Variants in C6orf89 observed in about 807,000 individuals in gnomAD.
The protein encoded by C6orf89 is bombesin receptor-activated protein C6orf89.
Under a neutral mutation model 40.7 loss-of-function variants are expected in C6orf89, and 29 were observed. That is an observed-to-expected ratio of 0.71 (90% confidence interval 0.53 to 0.97). C6orf89 has a LOEUF of 0.97. Ranked by LOEUF, C6orf89 falls within the 50% of genes least tolerant of loss-of-function variation. The probability of loss-of-function intolerance (pLI) is 0.00; values close to 1 mark genes in which losing one functional copy is unlikely to be tolerated. For missense variants in C6orf89, 392 were observed against 429.1 expected (o/e 0.91, Z 0.76); for synonymous variants, 165 against 152.2 (o/e 1.08, Z -0.62).
Position 36,923,739 on chromosome 6 carries a change from C to T in C6orf89, c.*298C>T. On this transcript the variant is annotated 3_prime_UTR_variant, in exon 9 of 9. Transcript: ENST00000480824. Reference sequence around the variant, plus strand: ...TGGACACTATGACCTTGATGCTGCCCTTCAGGCAGGAAACAGGGCTGGTGC... The same window carrying T: ...TGGACACTATGACCTTGATGCTGCCTTTCAGGCAGGAAACAGGGCTGGTGC... 2.6e-6 allele frequency: 1 copy of T among 389,024 alleles called. No homozygotes were observed. Among genetic ancestry groups the T allele is most frequent in the Non-Finnish European group, 4.9e-6 (1 of 202,644 alleles). The allele number at this position is 389,024 out of a possible 1,614,324, so 24.1% of individuals were successfully genotyped here.
Position 36,923,640 on chromosome 6 carries a change from C to A in C6orf89, c.*199C>A. On this transcript the variant is annotated 3_prime_UTR_variant, in exon 9 of 9. Transcript: ENST00000480824. ...CTCCTGACTCTTCCTGCAGGTGGCT[C>A]AGGAAGGATTCAGCCTGGCCACTTG... The A allele has an allele frequency of 1.6e-6, 1 of 617,062 alleles. No individual in the cohort carries two copies. The highest frequency in any genetic ancestry group is 3.1e-6 in the Non-Finnish European group (1 of 327,296). The allele number at this position is 617,062 out of a possible 1,614,324, so 38.2% of individuals were successfully genotyped here. A position where few individuals can be genotyped will look rare whatever the true frequency, so the allele number is the denominator to read the frequency against.
chr6:36,886,142 TCCCAGCGC>T, intron 1 of C6orf89, 114 bp downstream of exon 1: 1 of 956,978 alleles, frequency 1.0e-6, no homozygotes, highest in Non-Finnish European at 1.4e-6. Context: ...CCACCCTCTA[TCCCAGCGC>T]GGATCCCTTT....
At chr6:36,898,353 C>T (rs1194040732) in intron 2 of C6orf89, among the ~76,000 whole-genome samples, 3 of 150,510 alleles carry the variant, frequency 2.0e-5, no homozygotes, top group African/African-American at 4.9e-5. Flanking sequence ...GATCTCGGCT[C>T]ACCACAACCT....
chr6:36,909,212 G>A (rs1748147751), intron 4 of C6orf89, among the ~76,000 whole-genome samples: 1 of 138,426 alleles, frequency 7.2e-6, no homozygotes, highest in African/African-American at 2.7e-5. Flanking sequence ...ACAAAAATAT[G>A]TACCTGAGAG....
At chr6:36,884,796 C>T (rs1774918547), upstream of C6orf89, among the ~76,000 whole-genome samples, 1 of 152,170 alleles carries the variant, frequency 6.6e-6, no homozygotes, top group African/African-American at 2.4e-5. This position sits in a 1 kb window ranked among gnomAD's most constrained non-coding sequence, Gnocchi z 4.0. Context: ...TGGAGTCACT[C>T]ATGCTAAATG....
At chr6:36,883,654 T>A (rs532502588), upstream of C6orf89, among the ~76,000 whole-genome samples, 68 of 152,318 alleles carry the variant, frequency 4.5e-4, no homozygotes, top group South Asian at 1.0e-3. Context: ...ATACATTGCC[T>A]CATAATCAGT....
Position 36,877,057 on chromosome 6 carries a change from T to C in C6orf89, c.-627-1951T>C, listed in dbSNP as rs139415221. 3.9e-3 allele frequency among the ~76,000 whole-genome samples: 590 copies of C among 152,332 alleles called. 2 individuals are homozygous for C. Among genetic ancestry groups the C allele is most frequent in the African/African-American group, 0.013 (553 of 41,576 alleles). On this transcript the variant is annotated intron_variant, in intron 1 of 9. Coordinates refer to the C6orf89 transcript ENST00000359359. The stretch of plus-strand genomic sequence containing the variant: ...TAAATGGAGTTATAAAGTACGTATT[T>C]TTTTGTGCCTGGCTTCCTTTCCTTA...
At chr6:36,918,911 A>G (rs1450084103) in intron 7 of C6orf89, among the ~76,000 whole-genome samples, 1 of 152,108 alleles carries the variant, frequency 6.6e-6, no homozygotes, top group Non-Finnish European at 1.5e-5. Flanking sequence ...GCATATGCTG[A>G]TTGTCTCCTT....
At chr6:36,902,168 G>A (rs1001552517) in intron 3 of C6orf89, 53 bp from the exon 4 acceptor site, 4 of 1,472,758 alleles carry the variant, frequency 2.7e-6, no homozygotes, top group East Asian at 2.3e-5. Context: ...TTTTTTCTTG[G>A]TATTAAGGTA....
At chr6:36,896,522 C>T (rs1419279736) in intron 2 of C6orf89, among the ~76,000 whole-genome samples, 1 of 151,948 alleles carries the variant, frequency 6.6e-6, no homozygotes, top group East Asian at 1.9e-4. Context: ...TATAGACCAC[C>T]CCCTTATCAG....
At chr6:36,880,178 G>A (rs1335227362) in intron 2 of C6orf89, among the ~76,000 whole-genome samples, 2 of 152,164 alleles carry the variant, frequency 1.3e-5, no homozygotes, top group Non-Finnish European at 2.9e-5. Flanking sequence ...GGTAAAATCA[G>A]TAATAAGAAA....
At chr6:36,906,381 A>G (rs1008391170) in intron 4 of C6orf89, among the ~76,000 whole-genome samples, 44 of 152,232 alleles carry the variant, frequency 2.9e-4, no homozygotes, top group African/African-American at 9.2e-4. Context: ...TTTATTTCTC[A>G]GTCTTCACAG....
chr6:36,912,289 T>C (rs1031340749), intron 4 of C6orf89, among the ~76,000 whole-genome samples: 1 of 152,182 alleles, frequency 6.6e-6, no homozygotes, highest in Admixed American at 6.5e-5. Flanking sequence ...AGAATAGTGA[T>C]TCCTCCTCAG....
chr6:36,881,009 G>A (rs150499251), upstream of C6orf89, among the ~76,000 whole-genome samples: 1,302 of 152,282 alleles, frequency 8.5e-3, 13 homozygotes, highest in Non-Finnish European at 0.012. Flanking sequence ...ACTCTTAACT[G>A]TACAGCCTGC....
At chr6:36,884,073 C>G (rs2150672518), upstream of C6orf89, among the ~76,000 whole-genome samples, 1 of 152,244 alleles carries the variant, frequency 6.6e-6, no homozygotes, top group South Asian at 2.1e-4. The surrounding 1 kb of genome is among the most constrained non-coding windows in gnomAD (Gnocchi z 4.0). Context: ...AGCAGCCTGG[C>G]CAACATGGCA....
intron 1 of C6orf89, among the ~76,000 whole-genome samples, chr6:36,889,733 A>T (rs1338202823): frequency 6.6e-6 from 1 of 152,220 alleles, no homozygotes; most frequent in Non-Finnish European, 1.5e-5. Flanking sequence ...TTTGATAGTT[A>T]AGGAAACTTG....
intron 1 of C6orf89, chr6:36,874,715 A>T: frequency 6.2e-7 from 1 of 1,613,790 alleles, no homozygotes; most frequent in Non-Finnish European, 8.5e-7. Context: ...GAACCCCCTC[A>T]CCTGGTCTCC....
At chr6:36,895,835 A>G (rs1454971105) in intron 2 of C6orf89, among the ~76,000 whole-genome samples, 3 of 152,230 alleles carry the variant, frequency 2.0e-5, no homozygotes, top group Non-Finnish European at 4.4e-5. Context: ...TTGTGTGGAC[A>G]TATGTTTTCA....
intron 7 of C6orf89, 132 bp from the exon 8 acceptor site, chr6:36,919,446 G>T: frequency 9.1e-7 from 1 of 1,104,808 alleles, no homozygotes; most frequent in Non-Finnish European, 1.3e-6. Context: ...TTTTGTTATT[G>T]GTTCTATTTC....
Sources: gnomAD v4.1 joint callset for allele counts (sites outside exome capture counted in the v4.1 genomes callset) on GRCh38, gnomAD v4.1.1 for gene constraint, Gnocchi (gnomAD v3.1) non-coding constraint, MANE v1.5 for transcripts, NCBI Gene and HGNC (gene_info 2026-07-23, HGNC 2026-07-21) for gene names.